EEPD1: variants seen among roughly 807,000 people sequenced by gnomAD.
EEPD1 encodes endonuclease/exonuclease/phosphatase family domain containing 1, also known as endonuclease/exonuclease/phosphatase family domain-containing protein 1.
Under a neutral mutation model 46.3 loss-of-function variants are expected in EEPD1, and 17 were observed. The ratio of observed to expected loss-of-function variants is 0.37; its 90% CI spans 0.25 to 0.55. EEPD1 has a LOEUF of 0.55. Ranked by LOEUF, EEPD1 falls within the 20% of genes least tolerant of loss-of-function variation. The pLI, the probability that EEPD1 is intolerant of heterozygous loss-of-function variation, is 0.83. For missense variants in EEPD1, 673 were observed against 745.6 expected, an observed-to-expected ratio of 0.90 and a Z score of 1.13; for synonymous variants, 313 against 315.6, an observed-to-expected ratio of 0.99 and a Z score of 0.09.
At chr7:36,198,900 T>C (rs113977102) in intron 2 of EEPD1, among the ~76,000 whole-genome samples, 4,923 of 152,036 alleles carry the variant, frequency 0.032, 263 homozygotes, top group African/African-American at 0.11. Flanking sequence ...GCCTGAGCAG[T>C]GCAGCTGGTG....
At chr7:36,284,597 G>T in intron 4 of EEPD1, 89 bp from the exon 5 acceptor site, 1 of 1,488,654 alleles carries the variant, frequency 6.7e-7, no homozygotes. Flanking sequence ...AGGGCCTACT[G>T]CCTCTCGGTC....
At chr7:36,277,605 C>T (rs1787201347) in intron 3 of EEPD1, among the ~76,000 whole-genome samples, 1 of 152,174 alleles carries the variant, frequency 6.6e-6, no homozygotes, top group African/African-American at 2.4e-5. Flanking sequence ...GAAAGGTGCT[C>T]ACCTCCTTAG....
At chr7:36,269,265 A>G (rs907621065) in intron 3 of EEPD1, among the ~76,000 whole-genome samples, 5 of 152,222 alleles carry the variant, frequency 3.3e-5, no homozygotes, top group Non-Finnish European at 7.3e-5. Flanking sequence ...AAATAAAGCT[A>G]GAGGGAAAAA....
intron 2 of EEPD1, among the ~76,000 whole-genome samples, chr7:36,189,905 GC>G (rs1171455987): frequency 1.3e-5 from 2 of 152,334 alleles, no homozygotes; most frequent in East Asian, 3.9e-4. Context: ...TATAGTCTCA[GC>G]TACTTAGGAG....
intron 2 of EEPD1, among the ~76,000 whole-genome samples, chr7:36,184,998 T>C (rs565206126): frequency 6.6e-6 from 1 of 152,338 alleles, no homozygotes; most frequent in African/African-American, 2.4e-5. Context: ...TCCAAAGTGC[T>C]GGGATTCCAG....
intron 2 of EEPD1, among the ~76,000 whole-genome samples, chr7:36,201,405 C>T (rs1785710489): frequency 6.6e-6 from 1 of 152,188 alleles, no homozygotes; most frequent in Non-Finnish European, 1.5e-5. Flanking sequence ...TTCCCAGCAA[C>T]TTCTCTGCAC....
At chr7:36,250,232 A>G (rs148834175) in intron 3 of EEPD1, among the ~76,000 whole-genome samples, 1 of 152,352 alleles carries the variant, frequency 6.6e-6, no homozygotes, top group Non-Finnish European at 1.5e-5. Flanking sequence ...AAAAGAAAAA[A>G]AAATTAAAAA....
intron 2 of EEPD1, among the ~76,000 whole-genome samples, chr7:36,167,266 C>A (rs4723486): frequency 1.3e-5 from 2 of 151,948 alleles, no homozygotes; most frequent in Admixed American, 6.5e-5. Flanking sequence ...CTGACAAGAT[C>A]ATTTAAGAAA....
At chr7:36,291,234 G>A (rs1042105318) in intron 6 of EEPD1, among the ~76,000 whole-genome samples, 3 of 152,166 alleles carry the variant, frequency 2.0e-5, no homozygotes, top group Non-Finnish European at 2.9e-5. Context: ...AAATCAAACT[G>A]CACCCTAATT....
At chr7:36,219,578 AAAG>A (rs1786095887) in intron 2 of EEPD1, among the ~76,000 whole-genome samples, 1 of 145,164 alleles carries the variant, frequency 6.9e-6, no homozygotes. Context: ...AGAGAGAAGG[AAAG>A]AAGAAAAGAA....
At chr7:36,202,488 T>G (rs1785729243) in intron 2 of EEPD1, among the ~76,000 whole-genome samples, 1 of 152,166 alleles carries the variant, frequency 6.6e-6, no homozygotes, top group Non-Finnish European at 1.5e-5. Flanking sequence ...CAACCAGGAC[T>G]GTAGCCTGGT....
chr7:36,274,020 G>A (rs1260822049), intron 3 of EEPD1, among the ~76,000 whole-genome samples: 2 of 152,226 alleles, frequency 1.3e-5, no homozygotes, highest in Non-Finnish European at 2.9e-5. Context: ...TTGTGTGAGG[G>A]TTCAAAGTGG....
chr7:36,209,137 A>C (rs1375275739), intron 2 of EEPD1, among the ~76,000 whole-genome samples: 1 of 152,152 alleles, frequency 6.6e-6, no homozygotes. Flanking sequence ...TGTATGTTAA[A>C]ACCAGCCATG....
At chr7:36,180,453 G>A (rs1262959798) in intron 2 of EEPD1, among the ~76,000 whole-genome samples, 1 of 152,192 alleles carries the variant, frequency 6.6e-6, no homozygotes, top group Non-Finnish European at 1.5e-5. Flanking sequence ...AGAAACCAGG[G>A]CCATCGTGCC....
chr7:36,203,403 C>T (rs1188285794), intron 2 of EEPD1, among the ~76,000 whole-genome samples: 2 of 152,182 alleles, frequency 1.3e-5, no homozygotes, highest in Non-Finnish European at 2.9e-5. Flanking sequence ...CAAGGGAAAG[C>T]GGAAAACCAC....
At chr7:36,183,352 G>A (rs1785307233) in intron 2 of EEPD1, among the ~76,000 whole-genome samples, 2 of 152,284 alleles carry the variant, frequency 1.3e-5, no homozygotes, top group East Asian at 1.9e-4. Context: ...CTGCTGAAAC[G>A]TGGTCACGTC....
intron 2 of EEPD1, among the ~76,000 whole-genome samples, chr7:36,197,555 TTTG>T (rs2115693913): frequency 6.6e-6 from 1 of 152,294 alleles, no homozygotes; most frequent in East Asian, 1.9e-4. Flanking sequence ...GACTTTTCAT[TTTG>T]TTCTGTACTA....
intron 3 of EEPD1, among the ~76,000 whole-genome samples, chr7:36,260,838 A>C (rs1170297586): frequency 6.6e-6 from 1 of 152,204 alleles, no homozygotes; most frequent in African/African-American, 2.4e-5. Context: ...ATATTCAAAA[A>C]CGAAAATGTT....
intron 4 of EEPD1, among the ~76,000 whole-genome samples, chr7:36,283,824 C>A (rs965273399): frequency 2.6e-5 from 4 of 152,174 alleles, no homozygotes; most frequent in Non-Finnish European, 5.9e-5. Flanking sequence ...AGAGTCACTT[C>A]CCCTCCTTTT....
Sources: allele counts gnomAD v4.1 joint callset (sites outside exome capture counted in the v4.1 genomes callset), GRCh38; gene constraint gnomAD v4.1.1; transcripts MANE v1.5; gene names NCBI Gene and HGNC (gene_info 2026-07-23, HGNC 2026-07-21).